Variants in ETFA observed in about 807,000 individuals in gnomAD.
The protein encoded by ETFA is electron transfer flavoprotein subunit alpha, mitochondrial.
Under a neutral mutation model 46.2 loss-of-function variants are expected in ETFA, and 22 were observed. The ratio of observed to expected loss-of-function variants is 0.48; its 90% CI spans 0.34 to 0.68. The LOEUF (loss-of-function observed/expected upper bound fraction) is 0.68, where lower values mean the gene tolerates loss of function less well. Ranked by LOEUF, ETFA falls within the 30% of genes least tolerant of loss-of-function variation. The pLI is 0.01. For synonymous variants in ETFA, 131 were observed against 139.9 expected (o/e 0.94, Z 0.45); for missense variants, 345 against 401.1 (o/e 0.86, Z 1.19).
At chr15:76,251,281 A>G (rs1045508196) in intron 9 of ETFA, among the ~76,000 whole-genome samples, 8 of 152,230 alleles carry the variant, frequency 5.3e-5, no homozygotes, top group African/African-American at 1.9e-4. Context: ...ACATATTAGC[A>G]AAATTAAAAA....
rs375408996 is a variant in ETFA, at chr15:76,249,435, ATTTTTTTTTTTTTT to A, written c.817-18051_817-18038del. ...GAACCACCACGCCCAGTCCATGGTAATTTTTTTTTTTTTTTTTTTTTTTTTAGATGGAGTCTCGT... is the reference window on the plus strand; with the variant it reads ...GAACCACCACGCCCAGTCCATGGTAATTTTTTTTTTTAGATGGAGTCTCGT... On this transcript the variant is annotated intron_variant, in intron 9 of 11. Transcript: ENST00000557943. Among the ~76,000 whole-genome samples the A allele has an allele frequency of 2.2e-3, 161 of 74,808 alleles. 3 individuals carry two copies. The highest frequency in any genetic ancestry group is 0.012 in the Middle Eastern group (1 of 84). 49.1% of individuals were successfully genotyped at this position (74,808 alleles called of 152,430 possible). A position where few individuals can be genotyped will look rare whatever the true frequency, so the allele number is the denominator to read the frequency against.
At chr15:76,309,749 T>G (rs1222328278) in intron 1 of ETFA, among the ~76,000 whole-genome samples, 1 of 152,180 alleles carries the variant, frequency 6.6e-6, no homozygotes, top group Non-Finnish European at 1.5e-5. Flanking sequence ...TAGAGCAGCA[T>G]TCTTCTGGCT....
chr15:76,289,065 G>A (rs776566115), intron 4 of ETFA, among the ~76,000 whole-genome samples: 10 of 151,808 alleles, frequency 6.6e-5, no homozygotes, highest in Admixed American at 5.3e-4. Flanking sequence ...GACTACAGGC[G>A]CACGCTACTG....
chr15:76,301,764 GC>G lies in ETFA; in HGVS notation c.40-6028del, dbSNP rs534978045. On this transcript the variant is annotated intron_variant, in intron 1 of 11. Transcript: ENST00000557943. ...CTTCATCAAAGGAATGAGAACACAA[GC>G]CATAGACTGGGACAAAATATGTGCA... is the stretch of plus-strand genomic sequence containing the variant. Among the ~76,000 whole-genome samples, 436 of 152,212 alleles carry G rather than the reference GC, an allele frequency of 2.9e-3. 7 individuals carry two copies. Among genetic ancestry groups the G allele is most frequent in the Non-Finnish European group, 2.2e-4 (15 of 68,022 alleles).
At chr15:76,223,755 G>A (rs1040961040) in intron 11 of ETFA, among the ~76,000 whole-genome samples, 5 of 152,084 alleles carry the variant, frequency 3.3e-5, no homozygotes, top group East Asian at 1.9e-4. Flanking sequence ...AGAAACCTCC[G>A]TGTCCACACA....
At chr15:76,265,354 C>T (rs1010384115) in intron 9 of ETFA, among the ~76,000 whole-genome samples, 2 of 152,192 alleles carry the variant, frequency 1.3e-5, no homozygotes. Context: ...GTTGCTGCTA[C>T]CCTACATAAA....
intron 8 of ETFA, among the ~76,000 whole-genome samples, chr15:76,278,236 A>G (rs1567213144): frequency 6.6e-6 from 1 of 152,100 alleles, no homozygotes; most frequent in Non-Finnish European, 1.5e-5. Context: ...CTTTACCAAG[A>G]TTGCTTAATA....
At chr15:76,275,616 T>C (rs1011097894) in intron 8 of ETFA, among the ~76,000 whole-genome samples, 4 of 152,250 alleles carry the variant, frequency 2.6e-5, no homozygotes, top group African/African-American at 9.6e-5. Flanking sequence ...ACTGACACAG[T>C]TGGATTAATA....
At chr15:76,283,677 CTT>C (rs548708830) in intron 8 of ETFA, 78 bp downstream of exon 8, 108 of 1,016,634 alleles carry the variant, frequency 1.1e-4, no homozygotes, top group Non-Finnish European at 1.0e-4. Flanking sequence ...GGCTGAAAGA[CTT>C]ACACAAAAAT....
chr15:76,288,644 G>A (rs1223654614), intron 4 of ETFA, among the ~76,000 whole-genome samples: 4 of 151,620 alleles, frequency 2.6e-5, no homozygotes, highest in African/African-American at 9.7e-5. Flanking sequence ...CCTGGGAGGC[G>A]GAGGTTGCAG....
At chr15:76,275,240 C>A (rs1273429916) in intron 8 of ETFA, among the ~76,000 whole-genome samples, 1 of 152,132 alleles carries the variant, frequency 6.6e-6, no homozygotes, top group South Asian at 2.1e-4. Flanking sequence ...ATATTCCTAA[C>A]CCTTACACTG....
chr15:76,260,708 G>A (rs770330628), intron 9 of ETFA: 54 of 1,604,972 alleles, frequency 3.4e-5, no homozygotes, highest in Non-Finnish European at 4.0e-5. Context: ...CTGAATCTGT[G>A]TGGATGGCAT....
intron 4 of ETFA, among the ~76,000 whole-genome samples, chr15:76,289,630 G>C (rs1343604049): frequency 6.6e-6 from 1 of 152,104 alleles, no homozygotes; most frequent in African/African-American, 2.4e-5. Context: ...TGGTTTCTGG[G>C]AAGAAGAAGC....
chr15:76,266,834 G>A (rs2039474687), intron 9 of ETFA, among the ~76,000 whole-genome samples: 1 of 152,036 alleles, frequency 6.6e-6, no homozygotes, highest in South Asian at 2.1e-4. Context: ...AACCTGGGAG[G>A]CGGAGCTTGC....
intron 1 of ETFA, among the ~76,000 whole-genome samples, chr15:76,297,706 TATAAGC>T (rs1048300546): frequency 6.6e-6 from 1 of 152,206 alleles, no homozygotes; most frequent in Non-Finnish European, 1.5e-5. Flanking sequence ...AAATTAGATT[TATAAGC>T]ATAAACAACA....
At chr15:76,249,445 T>TG (rs2039275366) in intron 9 of ETFA, among the ~76,000 whole-genome samples, 1 of 142,062 alleles carries the variant, frequency 7.0e-6, no homozygotes, top group Non-Finnish European at 1.5e-5. Context: ...ATTTTTTTTT[T>TG]TTTTTTTTTT....
intron 1 of ETFA, among the ~76,000 whole-genome samples, chr15:76,301,882 A>T (rs2039883448): frequency 6.6e-6 from 1 of 152,208 alleles, no homozygotes; most frequent in Non-Finnish European, 1.5e-5. Context: ...AAATAGGGGG[A>T]AAGGATCTGA....
intron 4 of ETFA, among the ~76,000 whole-genome samples, chr15:76,292,112 C>T (rs1417005022): frequency 6.6e-6 from 1 of 152,120 alleles, no homozygotes; most frequent in African/African-American, 2.4e-5. Context: ...TTAAAATGGG[C>T]TACTAATAGA....
intron 1 of ETFA, among the ~76,000 whole-genome samples, chr15:76,309,641 A>G (rs990098179): frequency 1.3e-5 from 2 of 152,208 alleles, no homozygotes; most frequent in Non-Finnish European, 2.9e-5. Flanking sequence ...TTAGCTCTAC[A>G]AAATTACTGA....
Sources: allele counts gnomAD v4.1 joint callset (sites outside exome capture counted in the v4.1 genomes callset), GRCh38; gene constraint gnomAD v4.1.1; transcripts MANE v1.5; gene names NCBI Gene and HGNC (gene_info 2026-07-23, HGNC 2026-07-21).